Variants in PHLDB2 observed in about 807,000 individuals in gnomAD.
The protein encoded by PHLDB2 is pleckstrin homology-like domain family B member 2.
PHLDB2 carries 71 observed loss-of-function variants against 123.6 expected under a neutral mutation model. That is an observed-to-expected ratio of 0.57 (90% CI 0.47 to 0.70). The LOEUF (loss-of-function observed/expected upper bound fraction) is 0.70. Ranked by LOEUF, PHLDB2 falls within the 30% of genes least tolerant of loss-of-function variation. The pLI, the probability that PHLDB2 is intolerant of heterozygous loss-of-function variation, is 0.00. For synonymous variants in PHLDB2, 547 were observed against 541.6 expected, an observed-to-expected ratio of 1.01 and a Z score of -0.14; for missense variants, 1,446 against 1,519.5, an observed-to-expected ratio of 0.95 and a Z score of 0.80.
chr3:111,834,149 T>A (rs1231376932), intron 1 of PHLDB2, among the ~76,000 whole-genome samples: 6 of 70,634 alleles, frequency 8.5e-5, no homozygotes, highest in African/African-American at 3.1e-4. Context: ...TGTAATAGAA[T>A]TATATATATT....
intron 1 of PHLDB2, among the ~76,000 whole-genome samples, chr3:111,826,064 G>T (rs2062639413): frequency 6.6e-6 from 1 of 151,984 alleles, no homozygotes; most frequent in Admixed American, 6.6e-5. Context: ...CACTTTGAGA[G>T]GCTGAAGTGG....
intron 5 of PHLDB2, among the ~76,000 whole-genome samples, chr3:111,921,082 A>T (rs574060336): frequency 2.2e-4 from 33 of 152,226 alleles, no homozygotes; most frequent in Non-Finnish European, 4.0e-4. Flanking sequence ...ATGGTGGCTG[A>T]TATCTATTAG....
chr3:111,945,116 C>T lies in PHLDB2; in HGVS notation c.2398-152C>T, dbSNP rs551679237. 16 of 628,262 alleles carry T rather than the reference C, an allele frequency of 2.5e-5. No homozygotes were observed. In the African/African-American group the frequency reaches 2.6e-4, roughly 10 times the overall value. 38.9% of individuals were successfully genotyped at this position (628,262 alleles called of 1,614,324 possible). A position where few individuals can be genotyped will look rare whatever the true frequency, so the allele number is the denominator to read the frequency against. ...CTAGCAGAAGATGACCTCTAGTATACAGATTTGAAATTTTGACTGAGTATG... is the reference window on the plus strand; with the variant it reads ...CTAGCAGAAGATGACCTCTAGTATATAGATTTGAAATTTTGACTGAGTATG... On this transcript the variant is annotated intron_variant, in intron 8 of 17. Transcript: ENST00000431670.
At chr3:111,960,828 A>C in intron 12 of PHLDB2, among the ~76,000 whole-genome samples, 1 of 152,230 alleles carries the variant, frequency 6.6e-6, no homozygotes, top group Admixed American at 6.5e-5. Flanking sequence ...GAGATTACAA[A>C]CTCTAGTACT....
At chr3:111,952,743 A>C in intron 11 of PHLDB2, 31 bp downstream of exon 11, 1 of 1,599,512 alleles carries the variant, frequency 6.3e-7, no homozygotes, top group Non-Finnish European at 8.5e-7. Context: ...CGGGCTTCCC[A>C]TTCCATGAGT....
At chr3:111,854,278 T>A (rs894627038), upstream of PHLDB2, among the ~76,000 whole-genome samples, 1 of 152,190 alleles carries the variant, frequency 6.6e-6, no homozygotes, top group African/African-American at 2.4e-5. Flanking sequence ...TTGGGGATTA[T>A]GAGAATTACA....
chr3:111,941,704 G>A (rs1158442219), intron 8 of PHLDB2, among the ~76,000 whole-genome samples: 1 of 152,166 alleles, frequency 6.6e-6, no homozygotes, highest in Non-Finnish European at 1.5e-5. Context: ...CTACTCAGAA[G>A]GCTGAGGCAG....
chr3:111,759,921 T>G (rs2059965143), intron 1 of PHLDB2, among the ~76,000 whole-genome samples: 1 of 152,220 alleles, frequency 6.6e-6, no homozygotes, highest in Admixed American at 6.5e-5. Flanking sequence ...AATATGCAGT[T>G]TGTAGGACAA....
At position 111,962,119 on chromosome 3, in the gene PHLDB2, C is replaced by T; in HGVS notation, c.2884C>T (p.Gln962Ter). The change falls in exon 13 of 18, where the codon CAA becomes TAA. Residue 962 changes from glutamine to a stop codon, truncating the protein, a stop_gained. Transcript: ENST00000431670. LOFTEE classifies it high-confidence loss of function. ...GGCTCCTTCCTTAGGTTATAATCAC[C>T]AACAGATGAGTGAAGGACACAGGCA... ...SRRMLRGYNH[Q>*]QMSEGHRQKS... The T allele has an allele frequency of 6.3e-7, 1 of 1,578,320 alleles. No individual in the cohort carries two copies. Among genetic ancestry groups the T allele is most frequent in the Non-Finnish European group, 8.5e-7 (1 of 1,170,476 alleles).
intron 13 of PHLDB2, among the ~76,000 whole-genome samples, chr3:111,964,506 AT>A (rs529646565): frequency 0.028 from 3,942 of 143,292 alleles, 133 homozygotes; most frequent in African/African-American, 0.085. Flanking sequence ...CACCTGGCTA[AT>A]TTTTTTTTTT....
intron 1 of PHLDB2, among the ~76,000 whole-genome samples, chr3:111,826,605 G>T (rs1352696933): frequency 1.3e-5 from 2 of 152,212 alleles, no homozygotes; most frequent in African/African-American, 4.8e-5. Context: ...CAGGTAAGTA[G>T]AGTTCTGGCT....
At position 111,962,450 on chromosome 3, in the gene PHLDB2, G is replaced by T. The variant is rs2071461604; in HGVS notation, c.3077+138G>T. The T allele has an allele frequency of 5.9e-6, 4 of 678,438 alleles. No homozygotes were observed. In the South Asian group the frequency reaches 7.8e-5, roughly 13 times the overall value. 42.0% of individuals were successfully genotyped at this position (678,438 alleles called of 1,614,324 possible). On this transcript the variant is annotated intron_variant, in intron 13 of 17. Coordinates refer to ENST00000431670, the MANE Select transcript of PHLDB2 (RefSeq NM_001134438.2). ...TAAAGGGTCTGTAATGCAGAAGAGG[G>T]TTGGTATCATGATGGCCTTTGAAAG...
chr3:111,846,118 C>CAT, intron 2 of PHLDB2: 1 of 590,872 alleles, frequency 1.7e-6, no homozygotes, highest in Non-Finnish European at 3.0e-6. Flanking sequence ...CACAGGCCAC[C>CAT]ATATCTTACT....
intron 1 of PHLDB2, among the ~76,000 whole-genome samples, chr3:111,862,937 G>A (rs1168137441): frequency 6.6e-6 from 1 of 152,120 alleles, no homozygotes; most frequent in Admixed American, 6.5e-5. Context: ...CTAAGGGCGG[G>A]CAGACAAAGT....
intron 7 of PHLDB2, 125 bp downstream of exon 7, chr3:111,939,755 A>G: frequency 2.1e-6 from 2 of 943,112 alleles, no homozygotes; most frequent in Non-Finnish European, 1.5e-6. Flanking sequence ...TATGTGGCAA[A>G]TGGTGTTCCA....
At chr3:111,857,216 C>T (rs116617515), upstream of PHLDB2, among the ~76,000 whole-genome samples, 4,134 of 152,114 alleles carry the variant, frequency 0.027, 79 homozygotes, top group Non-Finnish European at 0.041. Flanking sequence ...CTTAGGGTGG[C>T]GGAGGCAGAC....
intron 2 of PHLDB2, among the ~76,000 whole-genome samples, chr3:111,904,211 G>T (rs541311985): frequency 6.8e-6 from 1 of 147,046 alleles, no homozygotes; most frequent in Non-Finnish European, 1.5e-5. Context: ...CCAAGAGGTG[G>T]GGGTTGCAAT....
At chr3:111,858,430 C>T (rs1264258887), upstream of PHLDB2, among the ~76,000 whole-genome samples, 1 of 152,080 alleles carries the variant, frequency 6.6e-6, no homozygotes, top group Non-Finnish European at 1.5e-5. Flanking sequence ...TGTAACAAAC[C>T]TGCACGTTCT....
chr3:111,836,306 G>A (rs1261203344), intron 1 of PHLDB2, among the ~76,000 whole-genome samples: 1 of 152,216 alleles, frequency 6.6e-6, no homozygotes, highest in Admixed American at 6.5e-5. Context: ...ACAGAGCACA[G>A]TGCCAAATGC....
Sources: allele counts gnomAD v4.1 joint callset (sites outside exome capture counted in the v4.1 genomes callset), GRCh38; gene constraint gnomAD v4.1.1; transcripts MANE v1.5; gene names NCBI Gene and HGNC (gene_info 2026-07-23, HGNC 2026-07-21).